The following LGR6 variants were observed in gnomAD, a reference collection of about 807,000 sequenced individuals.
LGR6 encodes the protein leucine rich repeat containing G protein-coupled receptor 6.
A neutral mutation model predicts 69.4 loss-of-function variants in LGR6; 45 were observed. That is an observed-to-expected ratio of 0.65 (90% confidence interval 0.51 to 0.83). The LOEUF (loss-of-function observed/expected upper bound fraction) is 0.83. LGR6 is among the 40% of genes least tolerant of loss of function. LGR6 has a pLI of 0.00. For missense variants in LGR6, 1,108 were observed against 1,246.7 expected, an observed-to-expected ratio of 0.89 and a Z score of 1.68; for synonymous variants, 538 against 555.0, an observed-to-expected ratio of 0.97 and a Z score of 0.43.
chr1:202,300,955 A>G (rs1430736229), intron 8 of LGR6, 35 bp downstream of exon 8: 6 of 1,564,264 alleles, frequency 3.8e-6, no homozygotes, highest in Non-Finnish European at 5.3e-6. Context: ...TTAATGCCGA[A>G]CAGTGTTTCA....
At chr1:202,217,958 T>C (rs904722539) in intron 1 of LGR6, among the ~76,000 whole-genome samples, 4 of 152,236 alleles carry the variant, frequency 2.6e-5, no homozygotes, top group African/African-American at 7.2e-5. Flanking sequence ...TTTGGATATT[T>C]GTGAAAATTG....
At chr1:202,226,532 C>T (rs1051076496) in intron 2 of LGR6, among the ~76,000 whole-genome samples, 6 of 152,114 alleles carry the variant, frequency 3.9e-5, no homozygotes, top group Non-Finnish European at 4.4e-5. Context: ...CCCAGGGATG[C>T]GGTCAACCTG....
chr1:202,300,405 A>G (rs559194635), intron 7 of LGR6, among the ~76,000 whole-genome samples: 4 of 152,226 alleles, frequency 2.6e-5, no homozygotes, highest in Non-Finnish European at 5.9e-5. Context: ...TGTAATCCCA[A>G]CACTTTGGGA....
At position 202,318,611 on chromosome 1, in the gene LGR6, G is replaced by A. The variant is rs145532673; in HGVS notation, c.2308G>A (p.Ala770Thr). Residue 770 changes from alanine to threonine, a missense_variant, in exon 18 of 18, where the codon GCC becomes ACC. By Grantham distance (58) the Ala-to-Thr change is moderately conservative. Transcript: ENST00000367278. The stretch of plus-strand genomic sequence containing the variant: ...CGACTTTGAGGCCGTGTGGGACTGC[G>A]CCATGGTGAGGCACGTGGCCTGGCT... Reference protein sequence around the residue: ...RGDFEAVWDCAMVRHVAWLIF... With the variant: ...RGDFEAVWDCTMVRHVAWLIF... 2.4e-3 allele frequency: 3,840 copies of A among 1,613,930 alleles called. 13 individuals are homozygous for A. The highest frequency in any genetic ancestry group is 3.6e-3 in the Middle Eastern group (22 of 6,062).
intron 16 of LGR6, 93 bp downstream of exon 16, chr1:202,310,450 A>G (rs572862018): frequency 1.6e-6 from 2 of 1,261,712 alleles, no homozygotes; most frequent in Admixed American, 2.2e-5. Context: ...GGAATCTGAC[A>G]GCAGCTGCAG....
intron 1 of LGR6, among the ~76,000 whole-genome samples, chr1:202,219,376 C>T (rs922869735): frequency 1.3e-5 from 2 of 152,188 alleles, no homozygotes; most frequent in African/African-American, 4.8e-5. Flanking sequence ...TAGTCAGAGA[C>T]TGAGAGGAGA....
intron 5 of LGR6, among the ~76,000 whole-genome samples, chr1:202,277,585 A>G (rs1293597966): frequency 6.6e-6 from 1 of 152,148 alleles, no homozygotes; most frequent in East Asian, 1.9e-4. Flanking sequence ...TGGAGAAATA[A>G]GAACTTCATG....
chr1:202,229,923 GA>G (rs1359517838), intron 3 of LGR6, among the ~76,000 whole-genome samples: 1 of 152,180 alleles, frequency 6.6e-6, no homozygotes, highest in Non-Finnish European at 1.5e-5. Flanking sequence ...TCCTAGGCAC[GA>G]ATTACTTTCT....
chr1:202,242,161 T>TC (rs1350719703), intron 4 of LGR6, among the ~76,000 whole-genome samples: 1 of 152,108 alleles, frequency 6.6e-6, no homozygotes, highest in African/African-American at 2.4e-5. Context: ...TCTCATTTAA[T>TC]CCCCAAAGCC....
chr1:202,262,824 A>G (rs977812315), intron 4 of LGR6, among the ~76,000 whole-genome samples: 14 of 152,032 alleles, frequency 9.2e-5, no homozygotes, highest in Non-Finnish European at 2.1e-4. Context: ...AGGTCTACTC[A>G]TTATCACCTA....
chr1:202,293,961 A>G (rs191226092), intron 6 of LGR6, among the ~76,000 whole-genome samples: 140 of 152,324 alleles, frequency 9.2e-4, no homozygotes, highest in Non-Finnish European at 1.7e-3. Flanking sequence ...CATGGGTCCA[A>G]TGAACTGTAT....
Position 202,194,191 on chromosome 1 carries a change from A to C in LGR6, c.202A>C (p.Thr68Pro), listed in dbSNP as rs781217416. ...SAVPGDLDPLTAYLDLSMNNL... is the reference protein window; with the variant it reads ...SAVPGDLDPLPAYLDLSMNNL... ...CGTTCCGGGGGACCTGGACCCCCTG[A>C]CGGCTTACCTGTGAGTACTGCCCGC... Residue 68 changes from threonine (T) to proline (P), a missense_variant, in exon 1 of 18, where the codon ACG becomes CCG. Physicochemically the swap from Thr to Pro is conservative, Grantham distance 38. Transcript: ENST00000367278. The C allele has an allele frequency of 6.4e-7, 1 of 1,558,058 alleles. No homozygotes were observed. Among genetic ancestry groups the C allele is most frequent in the South Asian group, 1.2e-5 (1 of 85,922 alleles).
chr1:202,249,352 T>G (rs1196565080), intron 4 of LGR6, among the ~76,000 whole-genome samples: 1 of 152,190 alleles, frequency 6.6e-6, no homozygotes, highest in East Asian at 1.9e-4. Context: ...TCGATTCTCC[T>G]TGGAAGCTCC....
rs1163442989 is a variant in LGR6, at chr1:202,306,913, C to T, written c.1182C>T (p.Phe394=). 6.2e-7 allele frequency: 1 copy of T among 1,614,126 alleles called. No individual in the cohort carries two copies. Among genetic ancestry groups the T allele is most frequent in the Non-Finnish European group, 8.5e-7 (1 of 1,180,022 alleles). ...NRIWEIGADT[F]SQLSSLQALD... is the part of the protein sequence containing the mutation. ...TCTGGGAAATTGGAGCTGACACCTT[C>T]AGCCAGCTGAGCTCCCTGCAAGCCC... is the stretch of plus-strand genomic sequence containing the variant. Residue 394 remains phenylalanine, a synonymous_variant, in exon 13 of 18, where the codon TTC becomes TTT. Transcript: ENST00000367278.
chr1:202,240,077 A>G lies in LGR6; in HGVS notation c.428+4084A>G, dbSNP rs551670589. 1.8e-4 allele frequency among the ~76,000 whole-genome samples: 27 copies of G among 152,252 alleles called. No homozygotes were observed. In the South Asian group the frequency reaches 5.6e-3, roughly 32 times the overall value. ...AGAGTCTGGCACGTGGTAAGAGCTTATTAAGAACATGCAGGCTGGGCGCAG... is the reference window on the plus strand; with the variant it reads ...AGAGTCTGGCACGTGGTAAGAGCTTGTTAAGAACATGCAGGCTGGGCGCAG... On this transcript the variant is annotated intron_variant, in intron 4 of 17. Coordinates refer to ENST00000367278, the MANE Select transcript of LGR6 (RefSeq NM_001017403.2).
rs1176400243 is a variant in LGR6, at chr1:202,268,942, G to C, written c.429-7364G>C. Among the ~76,000 whole-genome samples, 1 of 152,150 alleles carries C rather than the reference G, an allele frequency of 6.6e-6. No homozygotes were observed. Among genetic ancestry groups the C allele is most frequent in the Non-Finnish European group, 1.5e-5 (1 of 68,030 alleles). On this transcript the variant is annotated intron_variant, in intron 4 of 17. Coordinates refer to ENST00000367278, the MANE Select transcript of LGR6 (RefSeq NM_001017403.2). The surrounding 1 kb of genome is among the most constrained non-coding windows in gnomAD (Gnocchi z 4.4). Reference sequence around the variant, plus strand: ...TGTTTTGGAAATAGGGTCTCACTTTGTTGCCCAGGCTGGAGTGAAGTGGTG... The same window carrying C: ...TGTTTTGGAAATAGGGTCTCACTTTCTTGCCCAGGCTGGAGTGAAGTGGTG...
intron 17 of LGR6, among the ~76,000 whole-genome samples, 168 bp from the exon 18 acceptor site, chr1:202,317,784 G>A (rs1002954583): frequency 6.6e-6 from 1 of 152,166 alleles, no homozygotes; most frequent in Non-Finnish European, 1.5e-5. Flanking sequence ...GAGTTCTCTG[G>A]GGCCAGAAAC....
intron 1 of LGR6, among the ~76,000 whole-genome samples, chr1:202,203,388 G>T (rs1287534725): frequency 6.6e-6 from 1 of 152,184 alleles, no homozygotes; most frequent in Non-Finnish European, 1.5e-5. Context: ...GCGCAGTTCG[G>T]TAGAGTGTAT....
chr1:202,289,106 C>G (rs1666607447), intron 6 of LGR6, among the ~76,000 whole-genome samples: 2 of 152,156 alleles, frequency 1.3e-5, no homozygotes, highest in African/African-American at 4.8e-5. Context: ...GAAGACAAGC[C>G]TTGGATAGAG....
Sources: gnomAD v4.1 joint callset for allele counts (sites outside exome capture counted in the v4.1 genomes callset) on GRCh38, gnomAD v4.1.1 for gene constraint, Gnocchi (gnomAD v3.1) non-coding constraint, MANE v1.5 for transcripts, NCBI Gene and HGNC (gene_info 2026-07-23, HGNC 2026-07-21) for gene names.